PACS1: variants seen among roughly 807,000 people sequenced by gnomAD.
PACS1 encodes the protein PACS-1.
In PACS1, 24 loss-of-function variants were observed where a neutral mutation model predicts 115.0. That is an observed-to-expected ratio of 0.21 (90% CI 0.15 to 0.29). The LOEUF is 0.29. PACS1 is among the 10% of genes least tolerant of loss of function. The probability of loss-of-function intolerance (pLI) is 1.00; values close to 1 mark genes in which losing one functional copy is unlikely to be tolerated. For missense variants in PACS1, 838 were observed against 1,251.2 expected, an observed-to-expected ratio of 0.67 and a Z score of 4.98; for synonymous variants, 453 against 504.5, an observed-to-expected ratio of 0.90 and a Z score of 1.37.
At chr11:66,223,180 C>T (rs531252280) in intron 10 of PACS1, among the ~76,000 whole-genome samples, 63 of 152,178 alleles carry the variant, frequency 4.1e-4, no homozygotes, top group African/African-American at 1.3e-3. Flanking sequence ...GCAACTTTCA[C>T]CTCCCGGGTG....
intron 1 of PACS1, among the ~76,000 whole-genome samples, chr11:66,159,262 AC>A (rs1458544968): frequency 6.6e-6 from 1 of 152,040 alleles, no homozygotes; most frequent in Non-Finnish European, 1.5e-5. Flanking sequence ...ACATGGGGAA[AC>A]CCCATCTCTA....
In PACS1 at chr11:66,210,400, T is replaced by C. The variant is rs748052235; in HGVS notation, c.483T>C (p.Leu161=). Residue 161 remains leucine (L), a synonymous_variant, in exon 3 of 24, where the codon CTT becomes CTC. Transcript: ENST00000320580. ...TTCTTCGCTCCAACGAGATCGTCCTTCCAGCTAGTGGACTGGTGGAAACAG... is the reference window on the plus strand; with the variant it reads ...TTCTTCGCTCCAACGAGATCGTCCTCCCAGCTAGTGGACTGGTGGAAACAG... ...KRILRSNEIV[L]PASGLVETEL... 1.9e-6 allele frequency: 3 copies of C among 1,614,110 alleles called. No individual in the cohort carries two copies. The highest frequency in any genetic ancestry group is 4.5e-5 in the East Asian group (2 of 44,886).
Position 66,238,540 on chromosome 11 carries a change from G to A in PACS1, c.2251-264G>A, listed in dbSNP as rs1054479091. On this transcript the variant is annotated intron_variant, in intron 19 of 23. Coordinates refer to ENST00000320580, the MANE Select transcript of PACS1 (RefSeq NM_018026.4). ...TTTTGAGATGGAGTCTCGCTCTGTC[G>A]CCCAGGCTGGAGTGCAGTGGCGCCA... 27 of 371,606 alleles carry A rather than the reference G, an allele frequency of 7.3e-5. 1 individual carries two copies. The highest frequency in any genetic ancestry group is 1.8e-4 in the Admixed American group (4 of 22,770). The allele number at this position is 371,606 out of a possible 1,614,324, so 23.0% of individuals were successfully genotyped here.
intron 1 of PACS1, among the ~76,000 whole-genome samples, chr11:66,087,499 T>TC: frequency 6.6e-6 from 1 of 152,354 alleles, no homozygotes; most frequent in Non-Finnish European, 1.5e-5. Flanking sequence ...TGCCTTGGCC[T>TC]CCCACAGTGC....
At chr11:66,094,632 T>C (rs1374490841) in intron 1 of PACS1, among the ~76,000 whole-genome samples, 3 of 152,316 alleles carry the variant, frequency 2.0e-5, no homozygotes, top group Admixed American at 2.0e-4. Context: ...GAGGAACTGG[T>C]ACCATTCCTT....
At chr11:66,231,070 T>C in intron 13 of PACS1, 130 bp downstream of exon 13, 1 of 1,191,948 alleles carries the variant, frequency 8.4e-7, no homozygotes, top group Middle Eastern at 2.8e-4. Flanking sequence ...GAACAAAAAC[T>C]CTTGAAGAAA....
At chr11:66,223,137 G>A (rs955708195) in intron 10 of PACS1, among the ~76,000 whole-genome samples, 3 of 151,496 alleles carry the variant, frequency 2.0e-5, no homozygotes, top group Non-Finnish European at 4.4e-5. Context: ...TTATCGCCCA[G>A]GCAGGAGTGC....
intron 1 of PACS1, among the ~76,000 whole-genome samples, chr11:66,165,159 C>T (rs2134631439): frequency 6.6e-6 from 1 of 152,358 alleles, no homozygotes; most frequent in South Asian, 2.1e-4. Flanking sequence ...CAGTATTCTT[C>T]ATTCTGCCAG....
intron 2 of PACS1, among the ~76,000 whole-genome samples, chr11:66,196,718 C>A (rs1003360420): frequency 6.6e-6 from 1 of 152,150 alleles, no homozygotes; most frequent in Non-Finnish European, 1.5e-5. Flanking sequence ...CTGCGTCAGC[C>A]TCCTGAGTAG....
chr11:66,160,233 T>A (rs773467881), intron 1 of PACS1, among the ~76,000 whole-genome samples: 1 of 152,218 alleles, frequency 6.6e-6, no homozygotes, highest in Non-Finnish European at 1.5e-5. Context: ...AGATTGGTGC[T>A]AGATCCTGGC....
chr11:66,233,004 C>T lies in PACS1; in HGVS notation c.1776C>T (p.Cys592=). The T allele has an allele frequency of 6.2e-7, 1 of 1,612,572 alleles. No homozygotes were observed. Among genetic ancestry groups the T allele is most frequent in the East Asian group, 2.2e-5 (1 of 44,872 alleles). ...LLQDQRKPVV[C]TCSTVEVQAV... Reference sequence around the variant, plus strand: ...AGGACCAGCGGAAGCCTGTGGTGTGCACCTGCTCCACCGTGGAGGTCCAGG... The same window carrying T: ...AGGACCAGCGGAAGCCTGTGGTGTGTACCTGCTCCACCGTGGAGGTCCAGG... The change falls in exon 15 of 24, where the codon TGC becomes TGT. Residue 592 remains cysteine, a synonymous_variant. Coordinates refer to ENST00000320580, the MANE Select transcript of PACS1 (RefSeq NM_018026.4). This position sits in a 1 kb window ranked among gnomAD's most constrained non-coding sequence, Gnocchi z 4.5.
intron 2 of PACS1, among the ~76,000 whole-genome samples, chr11:66,207,794 G>A (rs1370386569): frequency 6.6e-6 from 1 of 152,048 alleles, no homozygotes; most frequent in East Asian, 1.9e-4. Context: ...TTTTGAGACG[G>A]AGTCTCGCTC....
intron 1 of PACS1, among the ~76,000 whole-genome samples, chr11:66,181,407 T>C (rs759940520): frequency 1.7e-4 from 26 of 151,900 alleles, no homozygotes; most frequent in Non-Finnish European, 3.1e-4. Flanking sequence ...AGAGACGGGA[T>C]TTCACCATGT....
chr11:66,201,257 C>G (rs1480313799), intron 2 of PACS1, among the ~76,000 whole-genome samples: 2 of 152,034 alleles, frequency 1.3e-5, no homozygotes, highest in Non-Finnish European at 2.9e-5. Flanking sequence ...GGCATCTTCC[C>G]TGACCATAAT....
intron 2 of PACS1, among the ~76,000 whole-genome samples, chr11:66,202,340 C>A (rs1854819801): frequency 6.6e-6 from 1 of 152,084 alleles, no homozygotes; most frequent in African/African-American, 2.4e-5. Flanking sequence ...GAGAATAATT[C>A]CAGACTCAAT....
intron 1 of PACS1, among the ~76,000 whole-genome samples, chr11:66,140,304 C>G (rs139535801): frequency 6.6e-6 from 1 of 152,118 alleles, no homozygotes; most frequent in Admixed American, 6.6e-5. Flanking sequence ...AGCTCTAGTT[C>G]GGAACTTTTT....
In PACS1 at chr11:66,135,657, C is replaced by T. The variant is rs544436479; in HGVS notation, c.357-57829C>T. ...TCATCCCTGCTGGCCTCCTCTCCTG[C>T]GCTTTTTTTTTTTTTTTGAGACAGA... On this transcript the variant is annotated intron_variant, in intron 1 of 23. Transcript: ENST00000320580. Among the ~76,000 whole-genome samples, 27 of 143,558 alleles carry T rather than the reference C, an allele frequency of 1.9e-4. No homozygotes were observed. The East Asian group carries it at 5.4e-3, about 28-fold the overall frequency. 94.2% of individuals were successfully genotyped at this position (143,558 alleles called of 152,430 possible).
At chr11:66,219,671 C>A in intron 7 of PACS1, 75 bp from the exon 8 acceptor site, 1 of 1,076,226 alleles carries the variant, frequency 9.3e-7, no homozygotes, top group Non-Finnish European at 1.5e-6. Context: ...AAAGTGGGCT[C>A]TGGTGGGTGT....
intron 1 of PACS1, among the ~76,000 whole-genome samples, chr11:66,096,866 T>TC (rs201484141): frequency 3.1e-4 from 42 of 137,448 alleles, no homozygotes; most frequent in African/African-American, 5.0e-4. Flanking sequence ...TCTCTCTCTC[T>TC]TTTTTTTTTT....
Sources: allele counts gnomAD v4.1 joint callset (sites outside exome capture counted in the v4.1 genomes callset), GRCh38; gene constraint gnomAD v4.1.1; non-coding constraint Gnocchi (gnomAD v3.1); transcripts MANE v1.5; gene names NCBI Gene and HGNC (gene_info 2026-07-23, HGNC 2026-07-21).